Variants in PDS5A observed in about 807,000 individuals in gnomAD.
The protein encoded by PDS5A is sister chromatid cohesion protein PDS5 homolog A.
PDS5A carries 42 observed loss-of-function variants against 167.1 expected under a neutral mutation model. The ratio of observed to expected loss-of-function variants is 0.25; its 90% CI spans 0.20 to 0.33. The LOEUF (loss-of-function observed/expected upper bound fraction) is 0.33. Among genes scored for constraint, PDS5A ranks in the 10% least tolerant of loss-of-function variants. PDS5A has a pLI of 1.00. For missense variants in PDS5A, 1,033 were observed against 1,605.9 expected (o/e 0.64, Z 6.10); for synonymous variants, 553 against 554.6 (o/e 1.00, Z 0.04).
intron 23 of PDS5A, among the ~76,000 whole-genome samples, chr4:39,865,275 G>A (rs1719335129): frequency 6.6e-6 from 1 of 152,144 alleles, no homozygotes; most frequent in Non-Finnish European, 1.5e-5. Flanking sequence ...AGGTATCACT[G>A]ACTTGTAAGA....
chr4:39,870,728 C>T (rs1041170502), intron 21 of PDS5A, among the ~76,000 whole-genome samples: 4 of 152,072 alleles, frequency 2.6e-5, no homozygotes, highest in Non-Finnish European at 2.9e-5. Flanking sequence ...CAGGAAAATG[C>T]AAATCAAAAC....
chr4:39,835,821 C>T (rs913118803), intron 32 of PDS5A, among the ~76,000 whole-genome samples: 54 of 152,304 alleles, frequency 3.5e-4, no homozygotes, highest in African/African-American at 1.2e-3. Context: ...CCGTGCCTGG[C>T]CACAAGTATG....
intron 28 of PDS5A, chr4:39,848,570 T>C (rs1231784562): frequency 8.9e-6 from 3 of 338,184 alleles, no homozygotes; most frequent in Admixed American, 9.4e-5. Flanking sequence ...GCAAAAATAC[T>C]ACCCATGTTT....
At chr4:39,973,748 G>A (rs759284906) in intron 2 of PDS5A, 88 of 1,294,162 alleles carry the variant, frequency 6.8e-5, no homozygotes, top group Non-Finnish European at 8.8e-5. Flanking sequence ...GCAAGTGTAC[G>A]AGCTGTGCCC....
chr4:39,887,348 T>C (rs1198079663), intron 17 of PDS5A, among the ~76,000 whole-genome samples: 1 of 152,224 alleles, frequency 6.6e-6, no homozygotes, highest in Non-Finnish European at 1.5e-5. Context: ...TGAATGTTTT[T>C]TCAGAACCTA....
intron 9 of PDS5A, among the ~76,000 whole-genome samples, chr4:39,912,931 TAC>T (rs1408524531): frequency 6.6e-6 from 1 of 152,160 alleles, no homozygotes; most frequent in Non-Finnish European, 1.5e-5. Flanking sequence ...TCAGATAAGT[TAC>T]AGACCCAAAC....
intron 31 of PDS5A, among the ~76,000 whole-genome samples, chr4:39,838,719 T>C (rs1299350567): frequency 3.3e-5 from 5 of 151,080 alleles, no homozygotes; most frequent in African/African-American, 1.2e-4. Flanking sequence ...GGAGATCTTA[T>C]CTCAAAATAG....
At chr4:39,925,418 A>G (rs2109728352) in intron 5 of PDS5A, among the ~76,000 whole-genome samples, 1 of 152,356 alleles carries the variant, frequency 6.6e-6, no homozygotes, top group South Asian at 2.1e-4. Flanking sequence ...TACGTCTCCC[A>G]GAACTAATGG....
chr4:39,880,930 G>T (rs1720874878), intron 17 of PDS5A, among the ~76,000 whole-genome samples: 1 of 151,724 alleles, frequency 6.6e-6, no homozygotes, highest in Non-Finnish European at 1.5e-5. Flanking sequence ...TTGTAATTTT[G>T]TATTTCTCCC....
chr4:39,900,549 A>C, intron 13 of PDS5A, 42 bp from the exon 14 acceptor site: 1 of 1,249,560 alleles, frequency 8.0e-7, no homozygotes, highest in Non-Finnish European at 1.1e-6. Context: ...ACATAACAAT[A>C]CTGGAAATTA....
intron 16 of PDS5A, among the ~76,000 whole-genome samples, chr4:39,897,270 C>T (rs1722497329): frequency 6.6e-6 from 1 of 152,132 alleles, no homozygotes; most frequent in Admixed American, 6.5e-5. Flanking sequence ...TGGCTCATGC[C>T]TGTAATCTCA....
At chr4:39,832,872 G>C (rs1367171896) in intron 32 of PDS5A, among the ~76,000 whole-genome samples, 1 of 151,826 alleles carries the variant, frequency 6.6e-6, no homozygotes, top group African/African-American at 2.4e-5. Context: ...AAAGTTTGAA[G>C]AGGCTGGGCG....
intron 4 of PDS5A, among the ~76,000 whole-genome samples, chr4:39,926,528 AAAAG>A (rs1168159662): frequency 2.0e-5 from 3 of 151,814 alleles, no homozygotes; most frequent in Admixed American, 1.3e-4. Flanking sequence ...CAAAAAAAAA[AAAAG>A]AAAGAAATAG....
Position 39,834,184 on chromosome 4 carries a change from CAAAAAAAA to C in PDS5A, c.4010+3664_4010+3671del, listed in dbSNP as rs34080418. 5.2e-3 allele frequency among the ~76,000 whole-genome samples: 558 copies of C among 108,342 alleles called. 1 individual carries two copies. Among genetic ancestry groups the C allele is most frequent in the African/African-American group, 0.018 (495 of 27,238 alleles). The allele number at this position is 108,342 out of a possible 152,430, so 71.1% of individuals were successfully genotyped here. ...TGGGCAAGAGAGCCAGATATTGTCT[CAAAAAAAA>C]AAAAAAAAGGGTACTAAGAGGTCAA... On this transcript the variant is annotated intron_variant, in intron 32 of 32. Coordinates refer to ENST00000303538, the MANE Select transcript of PDS5A (RefSeq NM_001100399.2).
intron 32 of PDS5A, among the ~76,000 whole-genome samples, chr4:39,830,062 G>A (rs1249133913): frequency 6.6e-6 from 1 of 150,632 alleles, no homozygotes; most frequent in African/African-American, 2.5e-5. Context: ...CTTAAGCCAT[G>A]CCCTGTGTAG....
At chr4:39,918,574 C>T (rs1343253114) in intron 7 of PDS5A, among the ~76,000 whole-genome samples, 1 of 152,132 alleles carries the variant, frequency 6.6e-6, no homozygotes, top group Admixed American at 6.5e-5. Flanking sequence ...TCATTATTGG[C>T]CAGGTGTGGT....
intron 30 of PDS5A, among the ~76,000 whole-genome samples, chr4:39,842,705 ACATGCTATG>A (rs1717136231): frequency 6.6e-6 from 1 of 151,850 alleles, no homozygotes; most frequent in African/African-American, 2.4e-5. Flanking sequence ...TGATCACTAT[ACATGCTATG>A]CATATACCAA....
chr4:39,937,273 G>A (rs1726709677), intron 2 of PDS5A, among the ~76,000 whole-genome samples: 1 of 152,082 alleles, frequency 6.6e-6, no homozygotes, highest in Non-Finnish European at 1.5e-5. Flanking sequence ...ACTCTCACTT[G>A]GGAAATTCCA....
chr4:39,867,071 A>T (rs1719519875), intron 22 of PDS5A, 74 bp from the exon 23 acceptor site: 2 of 1,168,636 alleles, frequency 1.7e-6, no homozygotes, highest in South Asian at 3.0e-5. Flanking sequence ...ATTTAATTAG[A>T]TTAATGAGAT....
Sources: gnomAD v4.1 joint callset for allele counts (sites outside exome capture counted in the v4.1 genomes callset) on GRCh38, gnomAD v4.1.1 for gene constraint, MANE v1.5 for transcripts, NCBI Gene and HGNC (gene_info 2026-07-23, HGNC 2026-07-21) for gene names.